Variants in IGF1 observed in about 807,000 individuals in gnomAD.
The protein encoded by IGF1 is insulin-like growth factor 1.
In IGF1, 4 loss-of-function variants were observed where a neutral mutation model predicts 13.8. The observed-to-expected ratio is 0.29, with a 90% CI of 0.14 to 0.66. IGF1 has a LOEUF of 0.66. IGF1 is among the 30% of genes least tolerant of loss of function. The probability of loss-of-function intolerance (pLI) is 0.78; values close to 1 mark genes in which losing one functional copy is unlikely to be tolerated. For synonymous variants in IGF1, 76 were observed against 72.6 expected (o/e 1.05, Z -0.23); for missense variants, 124 against 188.5 (o/e 0.66, Z 2.00).
At chr12:102,429,655 C>T (rs1282940862) in intron 2 of IGF1, among the ~76,000 whole-genome samples, 1 of 152,168 alleles carries the variant, frequency 6.6e-6, no homozygotes, top group Non-Finnish European at 1.5e-5. Context: ...ATGTAATTAT[C>T]CATCGAGAAA....
At chr12:102,447,975 G>A (rs1878503915) in intron 2 of IGF1, among the ~76,000 whole-genome samples, 1 of 152,038 alleles carries the variant, frequency 6.6e-6, no homozygotes, top group Non-Finnish European at 1.5e-5. Context: ...TATCATCAGA[G>A]TGAACAGGCA....
At chr12:102,475,514 T>TTCCTCAC in intron 2 of IGF1, 129 bp downstream of exon 2, 1 of 1,060,978 alleles carries the variant, frequency 9.4e-7, no homozygotes, top group Non-Finnish European at 1.4e-6. Context: ...AGGTGAGGAA[T>TTCCTCAC]CTCAGAGGCC....
intron 2 of IGF1, among the ~76,000 whole-genome samples, chr12:102,468,210 T>A (rs769179893): frequency 3.7e-4 from 56 of 152,348 alleles, no homozygotes; most frequent in Middle Eastern, 3.4e-3. Flanking sequence ...ATGCAAAAGA[T>A]TTTAATTTAA....
At chr12:102,428,236 G>GTATATATATATATATATATATATATA (rs56947594) in intron 2 of IGF1, among the ~76,000 whole-genome samples, 749 of 69,442 alleles carry the variant, frequency 0.011, 109 homozygotes, top group Non-Finnish European at 0.016. Context: ...TCAATAATGT[G>GTATATATATATATATATATATATATA]TATATATATA....
At chr12:102,426,977 T>C (rs1876261237) in intron 2 of IGF1, among the ~76,000 whole-genome samples, 2 of 152,220 alleles carry the variant, frequency 1.3e-5, no homozygotes, top group Non-Finnish European at 2.9e-5. Context: ...GAGTTTACGG[T>C]AGGCTAGGTA....
chr12:102,454,772 T>C (rs1879253077), intron 2 of IGF1, among the ~76,000 whole-genome samples: 1 of 152,204 alleles, frequency 6.6e-6, no homozygotes, highest in Admixed American at 6.5e-5. Context: ...GGCTGTTGGA[T>C]AGAGCCCCAA....
upstream of IGF1, among the ~76,000 whole-genome samples, chr12:102,481,385 G>T (rs968262001): frequency 9.5e-5 from 14 of 146,620 alleles, no homozygotes; most frequent in Non-Finnish European, 1.5e-4. Context: ...GTGTGTGTGT[G>T]TGTATGACAG....
chr12:102,443,816 TTTTA>T (rs1309305286), intron 2 of IGF1, among the ~76,000 whole-genome samples: 2 of 151,894 alleles, frequency 1.3e-5, no homozygotes, highest in South Asian at 2.1e-4. Flanking sequence ...AACTTTTTAT[TTTTA>T]TTTATTTATT....
Position 102,397,208 on chromosome 12 carries a change from AGG to A in IGF1, c.*5297_*5298del. On this transcript the variant is annotated 3_prime_UTR_variant, in exon 4 of 4. Transcript: ENST00000337514. ...CAGTGCGAGACCCCATCTCACAAAA[AGG>A]AAAAAAAAAAAGAGGGAACACGTGA... 5.2e-6 allele frequency: 1 copy of A among 191,908 alleles called. No homozygotes were observed. Among genetic ancestry groups the A allele is most frequent in the Non-Finnish European group, 1.1e-5 (1 of 94,808 alleles). 11.9% of individuals were successfully genotyped at this position (191,908 alleles called of 1,614,324 possible).
intron 2 of IGF1, among the ~76,000 whole-genome samples, chr12:102,443,538 A>G (rs1261728897): frequency 6.6e-6 from 1 of 152,090 alleles, no homozygotes; most frequent in Non-Finnish European, 1.5e-5. Flanking sequence ...GGACTACTAC[A>G]TAAGAGAAAC....
intron 2 of IGF1, among the ~76,000 whole-genome samples, chr12:102,436,721 CAGTT>C (rs1404950891): frequency 3.9e-5 from 6 of 152,152 alleles, no homozygotes; most frequent in Non-Finnish European, 8.8e-5. Context: ...TTTTATTTAT[CAGTT>C]AGGTTACACC....
At chr12:102,418,015 A>G in intron 3 of IGF1, 7 of 1,603,038 alleles carry the variant, frequency 4.4e-6, no homozygotes, top group Non-Finnish European at 5.9e-6. Flanking sequence ...TGTAAACATC[A>G]CAAAAATAAT....
chr12:102,396,990 C>A lies in IGF1; in HGVS notation c.*5517G>T, dbSNP rs1356937411. 4 of 395,902 alleles carry A rather than the reference C, an allele frequency of 1.0e-5. No homozygotes were observed. In the Admixed American group the frequency reaches 1.3e-4, roughly 13 times the overall value. The allele number at this position is 395,902 out of a possible 1,614,324, so 24.5% of individuals were successfully genotyped here. On this transcript the variant is annotated 3_prime_UTR_variant, in exon 4 of 4. Transcript: ENST00000337514. ...GGCTGAGGCGGGCAAATCACAAGGT[C>A]AGGAGTTTGAGACCAACCTGGCCAA...
rs189600026 is a variant in IGF1, at chr12:102,423,986, A to T, written c.221-4296T>A. ...TCTGGGAATGCAGTTGGAACAATGC[A>T]TTCAGCTTTAATTTCCTTTGAAACT... On this transcript the variant is annotated intron_variant, in intron 2 of 3. Coordinates refer to ENST00000337514, the MANE Select transcript of IGF1 (RefSeq NM_000618.5). Among the ~76,000 whole-genome samples the T allele has an allele frequency of 8.5e-5, 13 of 152,314 alleles. 1 individual carries two copies. The highest frequency in any genetic ancestry group is 1.3e-4 in the Admixed American group (2 of 15,302).
At chr12:102,423,686 G>A (rs564533505) in intron 2 of IGF1, among the ~76,000 whole-genome samples, 28 of 152,262 alleles carry the variant, frequency 1.8e-4, no homozygotes, top group African/African-American at 6.0e-4. Context: ...ATGCATGGTC[G>A]GGGAGTAATT....
In IGF1 at chr12:102,419,478, G is replaced by A. The variant is rs17879837; in HGVS notation, c.402+31C>T. 353 of 1,605,704 alleles carry A rather than the reference G, an allele frequency of 2.2e-4. 1 individual carries two copies. The African/African-American group carries it at 4.2e-3, about 19-fold the overall frequency. Reference sequence around the variant, plus strand: ...CATGCACAAGAGAGAGACCACTTGAGGATGGCTGGATCCCACCCAGGTGGG... The same window carrying A: ...CATGCACAAGAGAGAGACCACTTGAAGATGGCTGGATCCCACCCAGGTGGG... On this transcript the variant is annotated intron_variant, in intron 3 of 3. Coordinates refer to ENST00000337514, the MANE Select transcript of IGF1 (RefSeq NM_000618.5).
At chr12:102,457,805 T>G (rs2137184120) in intron 2 of IGF1, among the ~76,000 whole-genome samples, 1 of 152,344 alleles carries the variant, frequency 6.6e-6, no homozygotes, top group East Asian at 1.9e-4. Flanking sequence ...GACATATGGG[T>G]AAGAATTGTT....
chr12:102,469,664 T>G (rs1046069497), intron 2 of IGF1, among the ~76,000 whole-genome samples: 1 of 152,162 alleles, frequency 6.6e-6, no homozygotes, highest in Admixed American at 6.5e-5. Flanking sequence ...TTCTTGCTCC[T>G]TATCTCCCAG....
chr12:102,441,882 A>G (rs990739823), intron 2 of IGF1, among the ~76,000 whole-genome samples: 1 of 100,324 alleles, frequency 1.0e-5, no homozygotes, highest in Non-Finnish European at 2.2e-5. Context: ...AGACTTTCTG[A>G]GCACTAAGTC....
Sources: gnomAD v4.1 joint callset for allele counts (sites outside exome capture counted in the v4.1 genomes callset) on GRCh38, gnomAD v4.1.1 for gene constraint, MANE v1.5 for transcripts, NCBI Gene and HGNC (gene_info 2026-07-23, HGNC 2026-07-21) for gene names.